CTNND2: variants seen among roughly 807,000 people sequenced by gnomAD.
CTNND2 encodes catenin delta-2.
A neutral mutation model predicts 144.4 loss-of-function variants in CTNND2; 22 were observed. The ratio of observed to expected loss-of-function variants is 0.15; its 90% confidence interval spans 0.11 to 0.22. The LOEUF is 0.22. CTNND2 is among the 10% of genes least tolerant of loss of function. CTNND2 has a pLI of 1.00. For missense variants in CTNND2, 1,353 were observed against 1,618.8 expected (o/e 0.84, Z 2.82); for synonymous variants, 751 against 695.6 (o/e 1.08, Z -1.25).
At chr5:11,721,177 A>C (rs1786656291) in intron 2 of CTNND2, among the ~76,000 whole-genome samples, 1 of 152,210 alleles carries the variant, frequency 6.6e-6, no homozygotes, top group Non-Finnish European at 1.5e-5. Context: ...CATGAATGAA[A>C]CTTGAAACAT....
chr5:11,659,502 T>C (rs1033675937), intron 2 of CTNND2, among the ~76,000 whole-genome samples: 1 of 152,152 alleles, frequency 6.6e-6, no homozygotes, highest in Non-Finnish European at 1.5e-5. Flanking sequence ...GCATTATAGC[T>C]TTCAAGTGTT....
chr5:11,880,898 T>TTAC (rs1156717907), intron 1 of CTNND2, among the ~76,000 whole-genome samples: 6 of 108,590 alleles, frequency 5.5e-5, no homozygotes, highest in Non-Finnish European at 9.6e-5. Context: ...ACTACTACCA[T>TTAC]TACTACTACT....
At chr5:11,641,772 ATGTATGTACATACATACACGTG>A (rs1561649106) in intron 2 of CTNND2, among the ~76,000 whole-genome samples, 11 of 146,320 alleles carry the variant, frequency 7.5e-5, no homozygotes, top group African/African-American at 2.8e-4. Flanking sequence ...ATATACGTAT[ATGTATGTACATACATACACGTG>A]TACATACACG....
rs578000063 is a variant in CTNND2, at chr5:11,081,161, T to C, written c.2788+1535A>G. 2.0e-5 allele frequency among the ~76,000 whole-genome samples: 3 copies of C among 151,676 alleles called. No homozygotes were observed. The East Asian group carries it at 5.8e-4, about 30-fold the overall frequency. On this transcript the variant is annotated intron_variant, in intron 16 of 21. Coordinates refer to ENST00000304623, the MANE Select transcript of CTNND2 (RefSeq NM_001332.4). Reference sequence around the variant, plus strand: ...GAAGCAGAAGGTAGAATGGTGGTTATGAGAGACTGAAGGTAAGAGGAATGG... The same window carrying C: ...GAAGCAGAAGGTAGAATGGTGGTTACGAGAGACTGAAGGTAAGAGGAATGG...
intron 20 of CTNND2, among the ~76,000 whole-genome samples, chr5:10,982,793 T>C (rs1185347256): frequency 1.3e-5 from 2 of 152,256 alleles, no homozygotes; most frequent in African/African-American, 2.4e-5. Flanking sequence ...GTGGTATATG[T>C]ACACAATAGA....
intron 7 of CTNND2, among the ~76,000 whole-genome samples, chr5:11,377,014 T>C (rs753627677): frequency 5.9e-5 from 9 of 152,046 alleles, no homozygotes; most frequent in Non-Finnish European, 1.0e-4. Context: ...TTGGCTTGCT[T>C]GTCGGTGACA....
chr5:10,991,974 G>A (rs976206496), intron 19 of CTNND2, among the ~76,000 whole-genome samples: 3 of 152,220 alleles, frequency 2.0e-5, no homozygotes, highest in Non-Finnish European at 4.4e-5. Flanking sequence ...CTGGGGTGCA[G>A]TGGCGCGATC....
intron 2 of CTNND2, among the ~76,000 whole-genome samples, chr5:11,603,017 G>A (rs1234761975): frequency 6.6e-6 from 1 of 151,806 alleles, no homozygotes; most frequent in Non-Finnish European, 1.5e-5. Flanking sequence ...AAACAAATAG[G>A]TTGGTAATTT....
At chr5:11,822,323 C>G (rs1410897153) in intron 1 of CTNND2, among the ~76,000 whole-genome samples, 1 of 152,096 alleles carries the variant, frequency 6.6e-6, no homozygotes, top group Non-Finnish European at 1.5e-5. Flanking sequence ...ATAGTAATAC[C>G]TTTGGTTGAG....
chr5:11,479,892 T>C (rs1250252822), intron 3 of CTNND2, among the ~76,000 whole-genome samples: 2 of 152,214 alleles, frequency 1.3e-5, no homozygotes, highest in East Asian at 3.8e-4. Context: ...AAGTTCCTTA[T>C]AGATGTTGAA....
intron 16 of CTNND2, among the ~76,000 whole-genome samples, chr5:11,070,912 A>G (rs1017316067): frequency 1.3e-5 from 2 of 151,390 alleles, no homozygotes; most frequent in Non-Finnish European, 2.9e-5. Flanking sequence ...AAAATGGAGG[A>G]GAGGTCTTAG....
intron 9 of CTNND2, among the ~76,000 whole-genome samples, chr5:11,311,779 T>C (rs111667641): frequency 9.5e-6 from 1 of 105,516 alleles, no homozygotes; most frequent in Non-Finnish European, 1.9e-5. Flanking sequence ...CACCCTCACC[T>C]CACACACACA....
chr5:11,862,238 A>G (rs1190940809), intron 1 of CTNND2, among the ~76,000 whole-genome samples: 2 of 152,348 alleles, frequency 1.3e-5, no homozygotes, highest in Non-Finnish European at 2.9e-5. Flanking sequence ...ACTACTAGAA[A>G]TTTTCCATTT....
chr5:11,233,916 G>A (rs1007319168), intron 10 of CTNND2, among the ~76,000 whole-genome samples: 14 of 152,080 alleles, frequency 9.2e-5, no homozygotes, highest in South Asian at 6.2e-4. Flanking sequence ...ATCAGGGTGC[G>A]CACTCAGTCA....
chr5:11,161,874 G>A (rs1014868639), intron 11 of CTNND2, among the ~76,000 whole-genome samples: 3 of 152,144 alleles, frequency 2.0e-5, no homozygotes, highest in Admixed American at 6.5e-5. Context: ...ATAGCAGGCA[G>A]GGTGCAATGG....
intron 16 of CTNND2, among the ~76,000 whole-genome samples, chr5:11,063,690 T>A (rs1227255641): frequency 1.3e-5 from 2 of 152,014 alleles, no homozygotes; most frequent in Non-Finnish European, 2.9e-5. Flanking sequence ...CACTGTGGTA[T>A]CCAGATTTTT....
intron 1 of CTNND2, among the ~76,000 whole-genome samples, chr5:11,754,851 G>A (rs923450540): frequency 6.6e-6 from 1 of 151,398 alleles, no homozygotes; most frequent in African/African-American, 2.4e-5. Context: ...ATTCCATGTG[G>A]GGTAAGTATC....
intron 1 of CTNND2, among the ~76,000 whole-genome samples, chr5:11,780,954 AATTT>A (rs1480149947): frequency 6.6e-6 from 1 of 152,176 alleles, no homozygotes; most frequent in Admixed American, 6.5e-5. Context: ...TTTCTACAAT[AATTT>A]ATTTACCCGA....
At chr5:11,639,090 A>C (rs1781859963) in intron 2 of CTNND2, among the ~76,000 whole-genome samples, 1 of 152,110 alleles carries the variant, frequency 6.6e-6, no homozygotes, top group Admixed American at 6.5e-5. Flanking sequence ...TCCAGGAGAC[A>C]TTTGACAATA....
Sources: allele counts gnomAD v4.1 joint callset (sites outside exome capture counted in the v4.1 genomes callset), GRCh38; gene constraint gnomAD v4.1.1; transcripts MANE v1.5; gene names NCBI Gene and HGNC (gene_info 2026-07-23, HGNC 2026-07-21).